COL22A1: variants seen among roughly 807,000 people sequenced by gnomAD.
The protein encoded by COL22A1 is collagen type XXII alpha 1 chain.
Under a neutral mutation model 248.9 loss-of-function variants are expected in COL22A1, and 221 were observed. That is an observed-to-expected ratio of 0.89 (90% CI 0.80 to 0.99). The LOEUF is 0.99. COL22A1 is among the 50% of genes least tolerant of loss of function. COL22A1 has a pLI of 0.00. For synonymous variants in COL22A1, 891 were observed against 793.4 expected (o/e 1.12, Z -2.07); for missense variants, 2,240 against 2,179.0 (o/e 1.03, Z -0.56).
chr8:138,589,098 A>T lies in COL22A1; in HGVS notation c.*155T>A. 1 of 656,812 alleles carries T rather than the reference A, an allele frequency of 1.5e-6. No homozygotes were observed. Among genetic ancestry groups the T allele is most frequent in the Non-Finnish European group, 2.6e-6 (1 of 380,064 alleles). 40.7% of individuals were successfully genotyped at this position (656,812 alleles called of 1,614,324 possible). The stretch of plus-strand genomic sequence containing the variant: ...GCGTCTGTTGGATTTAATAATTTTG[A>T]GGTCTCTCAAGAAAATAAAACAAAA... On this transcript the variant is annotated 3_prime_UTR_variant, in exon 65 of 65. Coordinates refer to ENST00000303045, the MANE Select transcript of COL22A1 (RefSeq NM_152888.3).
chr8:138,682,352 T>C (rs1039837875), intron 39 of COL22A1, among the ~76,000 whole-genome samples: 4 of 152,220 alleles, frequency 2.6e-5, no homozygotes, highest in Admixed American at 1.3e-4. Flanking sequence ...TGAAGGCATA[T>C]AGGAAACTTT....
chr8:138,842,777 T>C (rs1315457376), intron 4 of COL22A1, among the ~76,000 whole-genome samples: 1 of 152,244 alleles, frequency 6.6e-6, no homozygotes, highest in African/African-American at 2.4e-5. Flanking sequence ...GTCACCTTTA[T>C]CTCATGTATT....
chr8:138,803,086 C>T lies in COL22A1; in HGVS notation c.1495-152G>A. On this transcript the variant is annotated intron_variant, in intron 10 of 64. Coordinates refer to ENST00000303045, the MANE Select transcript of COL22A1 (RefSeq NM_152888.3). ...CTGCAACGAGGCCACATGTCCCACC[C>T]CTGGAGAGGAGGAAGCATCTAAGTC... is the stretch of plus-strand genomic sequence containing the variant. 4.3e-6 allele frequency: 3 copies of T among 689,928 alleles called. No individual in the cohort carries two copies. The South Asian group carries it at 4.7e-5, about 11-fold the overall frequency. The allele number at this position is 689,928 out of a possible 1,614,324, so 42.7% of individuals were successfully genotyped here. A position where few individuals can be genotyped will look rare whatever the true frequency, so the allele number is the denominator to read the frequency against.
rs1231686379 is a variant in COL22A1 at position 138,700,128 on chromosome 8, G to T, written c.2576C>A (p.Pro859Gln). 1 of 1,613,588 alleles carries T rather than the reference G, an allele frequency of 6.2e-7. No homozygotes were observed. Among genetic ancestry groups the T allele is most frequent in the East Asian group, 2.2e-5 (1 of 44,864 alleles). ...GLPGTTSLFT[P>Q]HPRMPGEQGP... The stretch of plus-strand genomic sequence containing the variant: ...ACTACTTACGGGCATCCGTGGATGT[G>T]GTGTGAACAGGGATGTCTGAAAAGG... Residue 859 changes from proline (P) to glutamine (Q), a missense_variant, in exon 32 of 65, where the codon CCA becomes CAA. Coordinates refer to ENST00000303045, the MANE Select transcript of COL22A1 (RefSeq NM_152888.3).
chr8:138,894,638 G>C (rs1208788637), intron 1 of COL22A1, among the ~76,000 whole-genome samples: 1 of 152,148 alleles, frequency 6.6e-6, no homozygotes, highest in Non-Finnish European at 1.5e-5. Flanking sequence ...GATATTCCTG[G>C]AAAAGTATAG....
At chr8:138,676,395 C>CA (rs1210902380) in intron 41 of COL22A1, among the ~76,000 whole-genome samples, 163 bp downstream of exon 41, 1,349 of 25,224 alleles carry the variant, frequency 0.053, 33 homozygotes, top group African/African-American at 0.11. Flanking sequence ...GACTCCATCT[C>CA]AAAAAAAAAA....
chr8:138,716,238 T>G lies in COL22A1; in HGVS notation c.2452A>C (p.Lys818Gln). Reference sequence around the variant, plus strand: ...GCTGCCACACTTACCTGGTCTCCTTTCTCTCCTCTCACACCTGGGAAGCCT... The same window carrying G: ...GCTGCCACACTTACCTGGTCTCCTTGCTCTCCTCTCACACCTGGGAAGCCT... ...APGFPGVRGE[K>Q]GDQGEKGELG... Residue 818 changes from lysine (K) to glutamine (Q), a missense_variant, in exon 29 of 65, where the codon AAA becomes CAA. Physicochemically the swap from Lys to Gln is moderately conservative, Grantham distance 53. Transcript: ENST00000303045. The G allele has an allele frequency of 6.3e-7, 1 of 1,587,266 alleles. No homozygotes were observed. The highest frequency in any genetic ancestry group is 1.3e-5 in the African/African-American group (1 of 74,730).
At chr8:138,750,916 C>A (rs1832538616) in intron 22 of COL22A1, among the ~76,000 whole-genome samples, 1 of 152,164 alleles carries the variant, frequency 6.6e-6, no homozygotes, top group South Asian at 2.1e-4. Context: ...CAGCCCTCCT[C>A]AGAAAGTACG....
chr8:138,781,062 C>A, intron 12 of COL22A1, 82 bp from the exon 13 acceptor site: 1 of 993,430 alleles, frequency 1.0e-6, no homozygotes. Flanking sequence ...GGAGAACGTG[C>A]CAGGAAGGGA....
At chr8:138,716,635 C>A (rs1261175628) in intron 28 of COL22A1, among the ~76,000 whole-genome samples, 190 bp downstream of exon 28, 1 of 152,120 alleles carries the variant, frequency 6.6e-6, no homozygotes, top group East Asian at 1.9e-4. Flanking sequence ...CCTATGCCCC[C>A]AACACCTGCA....
intron 1 of COL22A1, among the ~76,000 whole-genome samples, chr8:138,904,192 A>C (rs1163596284): frequency 1.3e-5 from 2 of 152,064 alleles, no homozygotes; most frequent in Non-Finnish European, 2.9e-5. Flanking sequence ...CCTGCTTCTT[A>C]AACTGCTTTC....
At chr8:138,762,535 CCA>C (rs1833571865) in intron 16 of COL22A1, 69 bp from the exon 17 acceptor site, 1 of 1,440,972 alleles carries the variant, frequency 6.9e-7, no homozygotes, top group African/African-American at 1.4e-5. Context: ...GCACACATCC[CCA>C]CAGTGACCGT....
chr8:138,822,302 G>A (rs993057206), intron 6 of COL22A1, among the ~76,000 whole-genome samples: 2 of 152,144 alleles, frequency 1.3e-5, no homozygotes, highest in African/African-American at 4.8e-5. Context: ...TGCCCACCTT[G>A]CCCTCTCAAA....
chr8:138,755,884 AGTC>A, intron 18 of COL22A1, 55 bp from the exon 19 acceptor site: 2 of 1,499,988 alleles, frequency 1.3e-6, no homozygotes, highest in Non-Finnish European at 1.9e-6. Flanking sequence ...CTTCTGTGGC[AGTC>A]CCATCCCTCT....
rs574067726 is a variant in COL22A1, at chr8:138,615,188, TTA to T, written c.3924+811_3924+812del. Among the ~76,000 whole-genome samples, 182 of 152,294 alleles carry T rather than the reference TTA, an allele frequency of 1.2e-3. 1 individual carries two copies. The highest frequency in any genetic ancestry group is 4.0e-3 in the African/African-American group (166 of 41,566). ...TCTGGGTGACCATAAGTCAGTCCCT[TTA>T]TCTCTCTGGATCTCAAATTTTTCAT... is the stretch of plus-strand genomic sequence containing the variant. On this transcript the variant is annotated intron_variant, in intron 55 of 64. Transcript: ENST00000303045.
chr8:138,738,671 A>G (rs1238975659), intron 22 of COL22A1, among the ~76,000 whole-genome samples: 1 of 152,208 alleles, frequency 6.6e-6, no homozygotes, highest in Non-Finnish European at 1.5e-5. Context: ...AGTAAGGGGC[A>G]GAGTTCAGAT....
intron 12 of COL22A1, among the ~76,000 whole-genome samples, chr8:138,788,376 AG>A (rs956057445): frequency 2.6e-5 from 4 of 152,216 alleles, no homozygotes; most frequent in Non-Finnish European, 4.4e-5. Context: ...GCTTGGTCCC[AG>A]GTGAATTTTC....
intron 3 of COL22A1, among the ~76,000 whole-genome samples, chr8:138,865,719 A>ATG (rs963858023): frequency 9.0e-5 from 11 of 121,630 alleles, no homozygotes; most frequent in South Asian, 2.5e-4. Context: ...GTATGAGTGT[A>ATG]TGTGTGTGTG....
rs1821081161 is a variant in COL22A1 at position 138,844,290 on chromosome 8, GAGGCAGC to G, written c.659-139_659-133del. 30 of 788,512 alleles carry G rather than the reference GAGGCAGC, an allele frequency of 3.8e-5. 1 individual carries two copies. The South Asian group carries it at 4.3e-4, about 11-fold the overall frequency. The allele number at this position is 788,512 out of a possible 1,614,324, so 48.8% of individuals were successfully genotyped here. ...GTGTTCAATGCCTGGAGAAGATGCA[GAGGCAGC>G]TGGCATCTCCGCACTCACTCATGTT... is the stretch of plus-strand genomic sequence containing the variant. On this transcript the variant is annotated intron_variant, in intron 3 of 64. Transcript: ENST00000303045.
Sources: gnomAD v4.1 joint callset for allele counts (sites outside exome capture counted in the v4.1 genomes callset) on GRCh38, gnomAD v4.1.1 for gene constraint, MANE v1.5 for transcripts, NCBI Gene and HGNC (gene_info 2026-07-23, HGNC 2026-07-21) for gene names.